The following SPTBN1 variants were observed in gnomAD, a reference collection of about 807,000 sequenced individuals.
SPTBN1 encodes spectrin beta, non-erythrocytic 1.
A neutral mutation model predicts 266.4 loss-of-function variants in SPTBN1; 32 were observed. The observed-to-expected ratio is 0.12, with a 90% CI of 0.09 to 0.16. SPTBN1 has a LOEUF of 0.16. Ranked by LOEUF, SPTBN1 falls within the 10% of genes least tolerant of loss-of-function variation. SPTBN1 has a pLI of 1.00. For missense variants in SPTBN1, 2,296 were observed against 3,067.1 expected, an observed-to-expected ratio of 0.75 and a Z score of 5.94; for synonymous variants, 1,336 against 1,162.2, an observed-to-expected ratio of 1.15 and a Z score of -3.04.
chr2:54,559,674 A>G (rs1673146517), intron 2 of SPTBN1, among the ~76,000 whole-genome samples: 1 of 152,212 alleles, frequency 6.6e-6, no homozygotes, highest in African/African-American at 2.4e-5. Context: ...CCTGGCCAGC[A>G]GTGTCTCAGA....
chr2:54,475,676 T>C (rs957076699), intron 1 of SPTBN1, among the ~76,000 whole-genome samples: 3 of 152,198 alleles, frequency 2.0e-5, no homozygotes, highest in Non-Finnish European at 4.4e-5. Context: ...GTAATGAAAC[T>C]CAAAACTATT....
chr2:54,472,763 A>G (rs760270228), intron 1 of SPTBN1, among the ~76,000 whole-genome samples: 3 of 152,170 alleles, frequency 2.0e-5, no homozygotes, highest in Non-Finnish European at 4.4e-5. Flanking sequence ...GGTGCTCTGA[A>G]TATGACATTT....
At chr2:54,589,405 C>A (rs940151861) in intron 2 of SPTBN1, among the ~76,000 whole-genome samples, 1 of 152,152 alleles carries the variant, frequency 6.6e-6, no homozygotes, top group Non-Finnish European at 1.5e-5. Flanking sequence ...GGGGTTGTGC[C>A]GCTCAGAAGA....
At chr2:54,663,303 T>G (rs979353775) in intron 32 of SPTBN1, 3 of 152,216 alleles carry the variant, frequency 2.0e-5, no homozygotes, top group African/African-American at 7.2e-5. Flanking sequence ...GAGCGTGCCA[T>G]TGACTTCTCC....
rs551385805 is a variant in SPTBN1 at position 54,540,819 on chromosome 2, A to C, written c.148+14253A>C. The C allele has an allele frequency of 6.6e-6, 1 of 152,376 alleles. No homozygotes were observed. The highest frequency in any genetic ancestry group is 2.4e-5 in the African/African-American group (1 of 41,594). The allele number at this position is 152,376 out of a possible 1,614,324, so 9.4% of individuals were successfully genotyped here. ...TTGTGACAAGGACATACAGAGTATT[A>C]GGTGACTATAGTGACCAAGCAAGAT... is the stretch of plus-strand genomic sequence containing the variant. On this transcript the variant is annotated intron_variant, in intron 2 of 35. Coordinates refer to ENST00000356805, the MANE Select transcript of SPTBN1 (RefSeq NM_003128.3). This position sits in a 1 kb window ranked among gnomAD's most constrained non-coding sequence, Gnocchi z 5.6.
intron 4 of SPTBN1, 112 bp from the exon 5 acceptor site, chr2:54,616,095 G>A: frequency 1.2e-6 from 1 of 829,486 alleles, no homozygotes; most frequent in Non-Finnish European, 1.8e-6. Flanking sequence ...TCGTCTGCAG[G>A]GCAAGGCTAT....
chr2:54,566,336 C>T (rs546190120), intron 2 of SPTBN1, among the ~76,000 whole-genome samples: 8 of 151,820 alleles, frequency 5.3e-5, no homozygotes, highest in African/African-American at 1.9e-4. Context: ...TATAGGCGCC[C>T]ACCACCACGC....
intron 27 of SPTBN1, among the ~76,000 whole-genome samples, chr2:54,654,709 C>T (rs1680534250): frequency 1.3e-5 from 2 of 152,338 alleles, no homozygotes; most frequent in East Asian, 1.9e-4. Context: ...GCACCTCTTG[C>T]TGCTTCTCTA....
At chr2:54,667,912 T>A (rs534393484) in intron 35 of SPTBN1, among the ~76,000 whole-genome samples, 1 of 152,250 alleles carries the variant, frequency 6.6e-6, no homozygotes, top group South Asian at 2.1e-4. Context: ...CATAGTGAGG[T>A]GGTCCCAGGA....
chr2:54,612,179 C>T lies in SPTBN1; in HGVS notation c.319C>T (p.Arg107Ter). 6.2e-7 allele frequency: 1 copy of T among 1,606,248 alleles called. No individual in the cohort carries two copies. The highest frequency in any genetic ancestry group is 8.5e-7 in the Non-Finnish European group (1 of 1,174,974). Reference protein sequence around the residue: ...GERLPKPTKGRMRIHCLENVD... With the variant: ...GERLPKPTKG ...TTTCTAGCCTAAACCCACCAAGGGA[C>T]GAATGCGCATCCACTGCTTAGAGAA... The change falls in exon 4 of 36, where the codon CGA becomes TGA. Residue 107 changes from arginine (R) to a stop codon, truncating the protein, a stop_gained. Transcript: ENST00000356805. LOFTEE classifies it high-confidence loss of function.
chr2:54,642,841 T>G, intron 18 of SPTBN1, 142 bp from the exon 19 acceptor site: 1 of 1,013,882 alleles, frequency 9.9e-7, no homozygotes, highest in Non-Finnish European at 1.4e-6. Context: ...CGGGTCAGAG[T>G]TGTGAAGTTA....
chr2:54,488,693 A>G (rs1668534445), intron 1 of SPTBN1, among the ~76,000 whole-genome samples: 1 of 152,010 alleles, frequency 6.6e-6, no homozygotes, highest in Admixed American at 6.6e-5. Context: ...AAAAAGTCTT[A>G]TCTCCTGATG....
intron 10 of SPTBN1, among the ~76,000 whole-genome samples, chr2:54,624,342 A>T (rs1273500478): frequency 6.6e-6 from 1 of 152,168 alleles, no homozygotes; most frequent in Non-Finnish European, 1.5e-5. Context: ...TTTCCTAGGA[A>T]TGAATTTAAT....
intron 1 of SPTBN1, among the ~76,000 whole-genome samples, chr2:54,485,478 C>G (rs966517647): frequency 6.6e-6 from 1 of 152,254 alleles, no homozygotes; most frequent in African/African-American, 2.4e-5. Context: ...CAGACGGAGT[C>G]TCGTTCACTC....
chr2:54,666,186 C>T (rs1681354942), intron 34 of SPTBN1, 98 bp downstream of exon 34: 6 of 1,243,888 alleles, frequency 4.8e-6, no homozygotes, highest in Non-Finnish European at 6.7e-6. Flanking sequence ...TTAGTTGGTT[C>T]TGTCTTCTGC....
At chr2:54,522,220 GAAC>G (rs894781646) in intron 1 of SPTBN1, among the ~76,000 whole-genome samples, 2 of 152,118 alleles carry the variant, frequency 1.3e-5, no homozygotes, top group African/African-American at 4.8e-5. Flanking sequence ...CCGTTTTAAG[GAAC>G]AATAGTAGTG....
chr2:54,648,879 A>G, intron 24 of SPTBN1, 107 bp from the exon 25 acceptor site: 2 of 1,059,404 alleles, frequency 1.9e-6, no homozygotes, highest in Non-Finnish European at 1.3e-6. Context: ...CCTTTGAGAA[A>G]TATGATGTAA....
At chr2:54,601,252 A>C (rs1359736517) in intron 3 of SPTBN1, among the ~76,000 whole-genome samples, 1 of 152,174 alleles carries the variant, frequency 6.6e-6, no homozygotes, top group Non-Finnish European at 1.5e-5. Flanking sequence ...GCCATCTTGG[A>C]TTATATAGGT....
At chr2:54,548,214 G>C (rs1672362297) in intron 2 of SPTBN1, among the ~76,000 whole-genome samples, 3 of 152,142 alleles carry the variant, frequency 2.0e-5, no homozygotes, top group Non-Finnish European at 4.4e-5. Context: ...TGCCTCCTGA[G>C]TAGGCTATTC....
Sources: gnomAD v4.1 joint callset for allele counts (sites outside exome capture counted in the v4.1 genomes callset) on GRCh38, gnomAD v4.1.1 for gene constraint, Gnocchi (gnomAD v3.1) non-coding constraint, MANE v1.5 for transcripts, NCBI Gene and HGNC (gene_info 2026-07-23, HGNC 2026-07-21) for gene names.